ABI3BP: variants seen among roughly 807,000 people sequenced by gnomAD.
ABI3BP encodes the protein target of Nesh-SH3.
ABI3BP carries 216 observed loss-of-function variants against 268.6 expected under a neutral mutation model. The observed-to-expected ratio is 0.80, with a 90% confidence interval of 0.72 to 0.90. ABI3BP has a LOEUF of 0.90. Among genes scored for constraint, ABI3BP ranks in the 40% least tolerant of loss-of-function variants. The probability of loss-of-function intolerance (pLI) is 0.00; values close to 1 mark genes in which losing one functional copy is unlikely to be tolerated. For synonymous variants in ABI3BP, 730 were observed against 730.0 expected, an observed-to-expected ratio of 1.00 and a Z score of 0.00; for missense variants, 2,090 against 2,182.4, an observed-to-expected ratio of 0.96 and a Z score of 0.84.
chr3:100,763,780 C>A (rs1038336275), intron 63 of ABI3BP, among the ~76,000 whole-genome samples: 1 of 152,218 alleles, frequency 6.6e-6, no homozygotes, highest in Admixed American at 6.5e-5. Flanking sequence ...CTTCACCAGG[C>A]AGGTCAGATA....
At chr3:100,937,053 TAAA>T (rs2066481475) in intron 1 of ABI3BP, among the ~76,000 whole-genome samples, 1 of 152,062 alleles carries the variant, frequency 6.6e-6, no homozygotes, top group African/African-American at 2.4e-5. Flanking sequence ...GCAATATTTA[TAAA>T]AATAGGCAGT....
chr3:100,892,805 T>C (rs2045383586), intron 4 of ABI3BP, among the ~76,000 whole-genome samples: 2 of 152,158 alleles, frequency 1.3e-5, no homozygotes, highest in Non-Finnish European at 2.9e-5. Context: ...AGACTAGACA[T>C]AGATAAGAAG....
At chr3:100,862,227 A>T in intron 14 of ABI3BP, 84 bp downstream of exon 14, 2 of 890,398 alleles carry the variant, frequency 2.2e-6, no homozygotes, top group East Asian at 2.6e-5. Context: ...GCATAATGAT[A>T]ATCAATTAAG....
rs1442028604 is a variant in ABI3BP at position 100,794,974 on chromosome 3, TA to T, written c.3894del (p.Phe1298LeufsTer4). The T allele has an allele frequency of 1.3e-6, 2 of 1,560,600 alleles. No individual in the cohort carries two copies. The highest frequency in any genetic ancestry group is 2.4e-5 in the South Asian group (2 of 82,264). ...IAPLETRGIPFIPMISPSPSQ... is the reference protein window; with the variant it reads ...IAPLETRGIPXIPMISPSPSQ... ...CTAGGACTTGGGGAAATCATGGGTA[TA>T]AAAGGGATGCCTCGTGTCTCTAGAG... On this transcript the variant is annotated frameshift_variant, in exon 54 of 68. Coordinates refer to ENST00000471714, the MANE Select transcript of ABI3BP (RefSeq NM_001375547.2). LOFTEE classifies it high-confidence loss of function.
chr3:100,789,458 T>G lies in ABI3BP; in HGVS notation c.4083A>C (p.Arg1361Ser), dbSNP rs1445729006. ...GTCATCAGAGAAACAACTTACCAGGTCTGATGTGTGGCTTGTCAGATGTTC... is the reference window on the plus strand; with the variant it reads ...GTCATCAGAGAAACAACTTACCAGGGCTGATGTGTGGCTTGTCAGATGTTC... The part of the protein sequence containing the change: ...RPRTSDKPHI[R>S]PVLNRTTTRP... Residue 1361 changes from arginine to serine, a missense_variant, in exon 56 of 68, where the codon AGA (arginine) becomes AGC (serine). Coordinates refer to ENST00000471714, the MANE Select transcript of ABI3BP (RefSeq NM_001375547.2). 6.2e-7 allele frequency: 1 copy of G among 1,600,220 alleles called. No individual in the cohort carries two copies. The highest frequency in any genetic ancestry group is 1.1e-5 in the South Asian group (1 of 88,412).
At chr3:100,791,299 C>T (rs374744082) in intron 55 of ABI3BP, among the ~76,000 whole-genome samples, 12 of 151,694 alleles carry the variant, frequency 7.9e-5, no homozygotes, top group East Asian at 1.9e-4. Context: ...AAAGGCAAAA[C>T]GAGGAAAGAA....
At chr3:100,823,645 A>G (rs1278088246) in intron 36 of ABI3BP, 131 bp from the exon 37 acceptor site, 11 of 689,840 alleles carry the variant, frequency 1.6e-5, no homozygotes, top group African/African-American at 3.7e-5. Flanking sequence ...TTCTTAACTG[A>G]AGGAAAGAAT....
chr3:100,881,307 T>C (rs1425611499), intron 6 of ABI3BP, among the ~76,000 whole-genome samples: 1 of 152,202 alleles, frequency 6.6e-6, no homozygotes, highest in African/African-American at 2.4e-5. Flanking sequence ...ATCAATCATT[T>C]GATAATTGTT....
intron 46 of ABI3BP, 31 bp downstream of exon 46, chr3:100,812,436 T>A: frequency 7.8e-7 from 1 of 1,287,144 alleles, no homozygotes; most frequent in Non-Finnish European, 9.9e-7. Flanking sequence ...AAAGCACATA[T>A]GCTTGACTTC....
chr3:100,830,617 C>G lies in ABI3BP; in HGVS notation c.2419G>C (p.Glu807Gln). 1 of 1,532,256 alleles carries G rather than the reference C, an allele frequency of 6.5e-7. No individual in the cohort carries two copies. The highest frequency in any genetic ancestry group is 1.4e-5 in the African/African-American group (1 of 72,982). 94.9% of individuals were successfully genotyped at this position (1,532,256 alleles called of 1,614,324 possible). A position where few individuals can be genotyped will look rare whatever the true frequency, so the allele number is the denominator to read the frequency against. The change falls in exon 32 of 68, where the codon GAA (glutamate) becomes CAA (glutamine). Residue 807 changes from glutamate to glutamine, a missense_variant. Physicochemically the swap from Glu to Gln is conservative, Grantham distance 29. Transcript: ENST00000471714. Reference protein sequence around the residue: ...QTKLVPATILEPVLRTEASGT... With the variant: ...QTKLVPATILQPVLRTEASGT... ...GAAGCCTCAGTTCTAAGAACTGGTT[C>G]GAGGATTGTGGCAGGAACTGATCAA... is the stretch of plus-strand genomic sequence containing the variant.
intron 40 of ABI3BP, 42 bp from the exon 41 acceptor site, chr3:100,818,623 A>G: frequency 7.0e-7 from 1 of 1,437,904 alleles, no homozygotes; most frequent in Non-Finnish European, 9.5e-7. Context: ...AAGCCAGTAA[A>G]TTATATCTTT....
chr3:100,991,068 T>C (rs2092835275), intron 1 of ABI3BP, among the ~76,000 whole-genome samples: 1 of 152,228 alleles, frequency 6.6e-6, no homozygotes, highest in South Asian at 2.1e-4. Context: ...CCCTGTTCCC[T>C]TTGAGCATCC....
chr3:100,939,960 T>C (rs932881746), intron 1 of ABI3BP, among the ~76,000 whole-genome samples: 1 of 152,080 alleles, frequency 6.6e-6, no homozygotes, highest in African/African-American at 2.4e-5. Flanking sequence ...AGAAAAAGAA[T>C]TCAGCAATAT....
chr3:100,940,018 C>T (rs571455005), intron 1 of ABI3BP, among the ~76,000 whole-genome samples: 52 of 152,064 alleles, frequency 3.4e-4, no homozygotes, highest in Non-Finnish European at 6.3e-4. Flanking sequence ...CTGTTCCGCC[C>T]GGCTCACCGG....
chr3:100,921,978 A>C lies in ABI3BP; in HGVS notation c.259+4324T>G, dbSNP rs148853413. ...AATGACATGTGTCAGACAAGGCTGT[A>C]CTTAATATTTGCTTCGCAACTGAGG... On this transcript the variant is annotated intron_variant, in intron 2 of 67. Coordinates refer to ENST00000471714, the MANE Select transcript of ABI3BP (RefSeq NM_001375547.2). 6.6e-3 allele frequency among the ~76,000 whole-genome samples: 1,009 copies of C among 152,378 alleles called. 8 individuals are homozygous for C. Among genetic ancestry groups the C allele is most frequent in the African/African-American group, 0.021 (876 of 41,592 alleles).
chr3:100,904,255 G>T (rs914670362), intron 2 of ABI3BP, among the ~76,000 whole-genome samples: 3 of 152,132 alleles, frequency 2.0e-5, no homozygotes, highest in African/African-American at 4.8e-5. Flanking sequence ...AGTCACATGG[G>T]GCCCCATGCT....
At chr3:100,831,940 A>G (rs1180781031) in intron 31 of ABI3BP, among the ~76,000 whole-genome samples, 1 of 152,208 alleles carries the variant, frequency 6.6e-6, no homozygotes, top group Non-Finnish European at 1.5e-5. Context: ...CTTCTGATGT[A>G]TGGACTAATA....
At chr3:100,864,534 G>T in intron 11 of ABI3BP, 1 of 344,266 alleles carries the variant, frequency 2.9e-6, no homozygotes. Flanking sequence ...CAAGATTTGG[G>T]AGTTAAAAGG....
intron 27 of ABI3BP, among the ~76,000 whole-genome samples, chr3:100,836,734 G>A (rs1040417465): frequency 1.4e-4 from 21 of 152,188 alleles, no homozygotes; most frequent in Non-Finnish European, 2.8e-4. Context: ...GTACCATCAT[G>A]AGCTCCTTAT....
Sources: gnomAD v4.1 joint callset for allele counts (sites outside exome capture counted in the v4.1 genomes callset) on GRCh38, gnomAD v4.1.1 for gene constraint, MANE v1.5 for transcripts, NCBI Gene and HGNC (gene_info 2026-07-23, HGNC 2026-07-21) for gene names.